Variants in SLC37A3 observed in about 807,000 individuals in gnomAD.
SLC37A3 encodes the protein solute carrier family 37 member 3.
SLC37A3 carries 51 observed loss-of-function variants against 67.1 expected under a neutral mutation model. The ratio of observed to expected loss-of-function variants is 0.76; its 90% CI spans 0.61 to 0.96. The LOEUF (loss-of-function observed/expected upper bound fraction) is 0.96. Among genes scored for constraint, SLC37A3 ranks in the 40% least tolerant of loss-of-function variants. SLC37A3 has a pLI of 0.00. For synonymous variants in SLC37A3, 214 were observed against 231.4 expected (o/e 0.92, Z 0.68); for missense variants, 508 against 603.0 (o/e 0.84, Z 1.65).
chr7:140,364,252 G>C (rs75811182), intron 5 of SLC37A3, among the ~76,000 whole-genome samples, 156 bp downstream of exon 5: 1 of 33,860 alleles, frequency 3.0e-5, no homozygotes, highest in African/African-American at 8.5e-5. Flanking sequence ...ATTCTGTCTC[G>C]GGGGGGAAAA....
At chr7:140,367,200 G>C (rs1021430799) in intron 4 of SLC37A3, among the ~76,000 whole-genome samples, 8 of 151,308 alleles carry the variant, frequency 5.3e-5, no homozygotes, top group Non-Finnish European at 2.9e-5. Context: ...ACTTTGGAAG[G>C]CAGCGGTAAG....
chr7:140,356,386 G>A (rs565790539), intron 6 of SLC37A3, among the ~76,000 whole-genome samples: 10 of 151,998 alleles, frequency 6.6e-5, no homozygotes, highest in African/African-American at 2.2e-4. Flanking sequence ...AGAAGCACAC[G>A]AAAAAACACT....
intron 4 of SLC37A3, among the ~76,000 whole-genome samples, chr7:140,366,481 T>TTA (rs1563034122): frequency 6.7e-6 from 1 of 148,620 alleles, no homozygotes; most frequent in Non-Finnish European, 1.5e-5. Flanking sequence ...CAGCTCAAGA[T>TTA]AAAAAAAAAA....
At chr7:140,398,189 T>C (rs1799015650) in intron 1 of SLC37A3, among the ~76,000 whole-genome samples, 1 of 151,734 alleles carries the variant, frequency 6.6e-6, no homozygotes, top group Non-Finnish European at 1.5e-5. Flanking sequence ...CGGGGGTCCT[T>C]CTCCTCCCCA....
intron 3 of SLC37A3, among the ~76,000 whole-genome samples, chr7:140,375,331 C>T (rs1348673634): frequency 2.6e-5 from 4 of 151,764 alleles, no homozygotes; most frequent in Non-Finnish European, 5.9e-5. Flanking sequence ...AAAAATTAGC[C>T]AGGCATGGTG....
At chr7:140,383,033 T>C (rs972332842) in intron 1 of SLC37A3, among the ~76,000 whole-genome samples, 2 of 152,112 alleles carry the variant, frequency 1.3e-5, no homozygotes, top group Non-Finnish European at 2.9e-5. Flanking sequence ...GTTCCTGAAC[T>C]CCCATATGCT....
At chr7:140,348,875 G>C (rs1377645848) in intron 9 of SLC37A3, 108 bp from the exon 10 acceptor site, 5 of 1,360,132 alleles carry the variant, frequency 3.7e-6, no homozygotes, top group Non-Finnish European at 5.0e-6. Flanking sequence ...AGGATGAACA[G>C]AACCTGATTT....
chr7:140,382,618 T>C, intron 1 of SLC37A3, 22 bp from the exon 2 acceptor site: 1 of 1,082,336 alleles, frequency 9.2e-7, no homozygotes, highest in Non-Finnish European at 1.4e-6. Context: ...AAACACATTA[T>C]GGACATTATT....
At position 140,348,758 on chromosome 7, in the gene SLC37A3, C is replaced by T. The variant is rs779807498; in HGVS notation, c.892G>A (p.Ala298Thr). 3.1e-6 allele frequency: 5 copies of T among 1,613,978 alleles called. 1 individual carries two copies. The Admixed American group carries it at 8.3e-5, about 27-fold the overall frequency. The change falls in exon 10 of 15, where the codon GCC (alanine) becomes ACC (threonine). Residue 298 changes from alanine (A) to threonine (T), a missense_variant. Coordinates refer to ENST00000326232, the MANE Select transcript of SLC37A3 (RefSeq NM_207113.3). ...TTCACTAACTTCAAGCAGGCGTAGG[C>T]CAGTGAGTACTACAAGAAAAGCATT... ...CLPGVIPYSL[A>T]YACLKLVNYS...
chr7:140,335,343 T>C lies in SLC37A3; in HGVS notation c.*69A>G, dbSNP rs1283511754. 1 of 1,613,894 alleles carries C rather than the reference T, an allele frequency of 6.2e-7. No individual in the cohort carries two copies. Among genetic ancestry groups the C allele is most frequent in the Non-Finnish European group, 8.5e-7 (1 of 1,180,008 alleles). On this transcript the variant is annotated 3_prime_UTR_variant, in exon 15 of 15. Coordinates refer to ENST00000326232, the MANE Select transcript of SLC37A3 (RefSeq NM_207113.3). The stretch of plus-strand genomic sequence containing the variant: ...CTGGAGCTCCTAGACAAACCCAAAT[T>C]AGGGCAGACTCGAAGCCCCAGCGGT...
At chr7:140,368,352 G>C (rs1294909767) in intron 4 of SLC37A3, among the ~76,000 whole-genome samples, 1 of 152,072 alleles carries the variant, frequency 6.6e-6, no homozygotes, top group African/African-American at 2.4e-5. Context: ...GATCGTCTGA[G>C]GTTGGGTGTT....
intron 3 of SLC37A3, among the ~76,000 whole-genome samples, chr7:140,376,704 T>C (rs1346103143): frequency 1.3e-5 from 2 of 152,156 alleles, no homozygotes; most frequent in East Asian, 3.8e-4. Flanking sequence ...ATGAAGTTCT[T>C]TGCATAAGGC....
chr7:140,355,623 C>T lies in SLC37A3; in HGVS notation c.618+45G>A. 2.0e-6 allele frequency: 3 copies of T among 1,519,350 alleles called. No individual in the cohort carries two copies. The Middle Eastern group carries it at 5.2e-4, about 262-fold the overall frequency. The allele number at this position is 1,519,350 out of a possible 1,614,324, so 94.1% of individuals were successfully genotyped here. On this transcript the variant is annotated intron_variant, in intron 7 of 14. Coordinates refer to ENST00000326232, the MANE Select transcript of SLC37A3 (RefSeq NM_207113.3). Reference sequence around the variant, plus strand: ...ACATAAAAAGCAATACACATGTGCACACAGAGAGAGAGAGAGAGCACCAGA... The same window carrying T: ...ACATAAAAAGCAATACACATGTGCATACAGAGAGAGAGAGAGAGCACCAGA...
intron 8 of SLC37A3, 62 bp from the exon 9 acceptor site, chr7:140,351,513 A>C: frequency 6.7e-7 from 1 of 1,485,448 alleles, no homozygotes; most frequent in Non-Finnish European, 9.1e-7. Context: ...GGCTCTGCAT[A>C]CATCCCTACT....
chr7:140,351,634 A>G, intron 8 of SLC37A3, 183 bp from the exon 9 acceptor site: 1 of 604,470 alleles, frequency 1.7e-6, no homozygotes, highest in Non-Finnish European at 2.9e-6. Flanking sequence ...AAAATACTCA[A>G]AAGATAGAAG....
At chr7:140,379,476 A>AG (rs1472882823) in intron 3 of SLC37A3, 1 of 143,536 alleles carries the variant, frequency 7.0e-6, no homozygotes, top group African/African-American at 2.8e-5. Context: ...CTCTGTCTCA[A>AG]GAAAAAAAAA....
intron 6 of SLC37A3, among the ~76,000 whole-genome samples, chr7:140,357,666 C>T (rs1418801448): frequency 1.3e-5 from 2 of 152,038 alleles, no homozygotes; most frequent in African/African-American, 4.8e-5. Flanking sequence ...CCTGTAATCC[C>T]AGCACTTTGG....
At chr7:140,337,253 C>CA (rs755982116) in intron 14 of SLC37A3, 31 bp downstream of exon 14, 3 of 1,305,364 alleles carry the variant, frequency 2.3e-6, no homozygotes, top group Middle Eastern at 2.0e-4. Flanking sequence ...AGAAAAATGA[C>CA]TTTTTTTTTT....
Position 140,335,123 on chromosome 7 carries a change from C to T in SLC37A3, c.*289G>A. The T allele has an allele frequency of 4.4e-6, 5 of 1,146,478 alleles. No individual in the cohort carries two copies. Among genetic ancestry groups the T allele is most frequent in the Non-Finnish European group, 4.9e-6 (4 of 822,896 alleles). The allele number at this position is 1,146,478 out of a possible 1,614,324, so 71.0% of individuals were successfully genotyped here. On this transcript the variant is annotated 3_prime_UTR_variant, in exon 15 of 15. Transcript: ENST00000326232. ...GGTTAAAACGCTAAACCTCAATAGG[C>T]CAAACAAAGACGCGGGCAGAGTCAG...
Sources: allele counts gnomAD v4.1 joint callset (sites outside exome capture counted in the v4.1 genomes callset), GRCh38; gene constraint gnomAD v4.1.1; transcripts MANE v1.5; gene names NCBI Gene and HGNC (gene_info 2026-07-23, HGNC 2026-07-21).